Variants in ZNF227 observed in about 807,000 individuals in gnomAD.
ZNF227 encodes zinc finger protein 227.
ZNF227 carries 12 observed loss-of-function variants against 13.2 expected under a neutral mutation model. That is an observed-to-expected ratio of 0.91 (90% CI 0.58 to 1.47). The LOEUF is 1.47. Ranked by LOEUF, ZNF227 falls within the 40% of genes most tolerant of loss-of-function variation. The probability of loss-of-function intolerance (pLI) is 0.00; values close to 1 mark genes in which losing one functional copy is unlikely to be tolerated. For synonymous variants in ZNF227, 338 were observed against 326.0 expected, an observed-to-expected ratio of 1.04 and a Z score of -0.40; for missense variants, 885 against 967.5, an observed-to-expected ratio of 0.91 and a Z score of 1.13.
intron 3 of ZNF227, among the ~76,000 whole-genome samples, chr19:44,219,267 T>G (rs1305656888): frequency 6.6e-6 from 1 of 152,218 alleles, no homozygotes; most frequent in African/African-American, 2.4e-5. Flanking sequence ...TTCTCTAGTT[T>G]TGTCTCTTAG....
chr19:44,235,793 C>T lies in ZNF227; in HGVS notation c.1363C>T (p.Arg455Trp), dbSNP rs575630823. Residue 455 changes from arginine (R) to tryptophan (W), a missense_variant, in exon 6 of 6, where the codon CGG becomes TGG. Arg to Trp is a moderately radical substitution (Grantham distance 101, BLOSUM62 -3). Transcript: ENST00000313040. ...CCACAATTCACCATTAATATGCCAT[C>T]GGAGAGTCCACACAGGAGAGAAGCC... ...FSHNSPLICH[R>W]RVHTGEKPYK... The T allele has an allele frequency of 8.1e-6, 13 of 1,613,514 alleles. No individual in the cohort carries two copies. Among genetic ancestry groups the T allele is most frequent in the South Asian group, 4.4e-5 (4 of 91,060 alleles).
At chr19:44,228,400 T>G in intron 3 of ZNF227, 46 bp from the exon 4 acceptor site, 2 of 1,583,604 alleles carry the variant, frequency 1.3e-6, no homozygotes, top group South Asian at 2.3e-5. Flanking sequence ...CTTCTTCTAG[T>G]GAAGGTTGGT....
intron 3 of ZNF227, among the ~76,000 whole-genome samples, chr19:44,219,853 A>C (rs1972274842): frequency 6.6e-6 from 1 of 151,804 alleles, no homozygotes; most frequent in Non-Finnish European, 1.5e-5. Context: ...ATATGTATAC[A>C]TGTGCCATGT....
At chr19:44,224,461 G>C (rs1304858621) in intron 3 of ZNF227, among the ~76,000 whole-genome samples, 2 of 152,140 alleles carry the variant, frequency 1.3e-5, no homozygotes, top group Middle Eastern at 3.2e-3. Context: ...TCCTGTATTA[G>C]GTGCATATAT....
rs555738498 is a variant in ZNF227 at position 44,234,863 on chromosome 19, C to G, written c.433C>G (p.Gln145Glu). 4.3e-6 allele frequency: 7 copies of G among 1,613,810 alleles called. No individual in the cohort carries two copies. The South Asian group carries it at 5.5e-5, about 13-fold the overall frequency. The change falls in exon 6 of 6, where the codon CAG (glutamine) becomes GAG (glutamate). Residue 145 changes from glutamine to glutamate, a missense_variant. Physicochemically the swap from Gln to Glu is conservative, Grantham distance 29 (BLOSUM62 2). Coordinates refer to ENST00000313040, the MANE Select transcript of ZNF227 (RefSeq NM_182490.3). ...CCAGTTATTACAAGGTGACTCTATT[C>G]AGGTTTCTGAAAATGAGAACAATAT... is the stretch of plus-strand genomic sequence containing the variant. Reference protein sequence around the residue: ...SSQLLQGDSIQVSENENNIMN... With the variant: ...SSQLLQGDSIEVSENENNIMN...
At chr19:44,214,788 CTTTT>C (rs59397656) in intron 2 of ZNF227, among the ~76,000 whole-genome samples, 1 of 143,604 alleles carries the variant, frequency 7.0e-6, no homozygotes, top group African/African-American at 2.5e-5. Context: ...TTCCACCCCA[CTTTT>C]TTTTTTTTTT....
rs1321799673 is a variant in ZNF227 at position 44,213,305 on chromosome 19, C to A, written c.-3+61C>A. ...TCTGTCCTTTCAGTTAATCAAGTTT[C>A]CGTCACTCAGTAAGTTACTACTGAA... On this transcript the variant is annotated intron_variant, in intron 2 of 5. Transcript: ENST00000313040. 1.3e-5 allele frequency: 2 copies of A among 152,150 alleles called. 1 individual carries two copies. The allele number at this position is 152,150 out of a possible 1,614,324, so 9.4% of individuals were successfully genotyped here.
At chr19:44,222,195 A>G (rs1233464) in intron 3 of ZNF227, among the ~76,000 whole-genome samples, 138,338 of 151,318 alleles carry the variant, frequency 0.91, 63,472 homozygotes, top group East Asian at 1. Context: ...GTCAGGTAGC[A>G]TGATGCCTCC....
Position 44,218,724 on chromosome 19 carries a change from G to C in ZNF227, c.60+872G>C, listed in dbSNP as rs550149324. ...TTAAATATGAAGAAACAGGTTATGG[G>C]AACATTTTATAACTGCCCCAAATTT... On this transcript the variant is annotated intron_variant, in intron 3 of 5. Coordinates refer to ENST00000313040, the MANE Select transcript of ZNF227 (RefSeq NM_182490.3). 4.6e-5 allele frequency among the ~76,000 whole-genome samples: 7 copies of C among 152,308 alleles called. No homozygotes were observed. The South Asian group carries it at 1.0e-3, about 23-fold the overall frequency.
chr19:44,208,205 C>T (rs1218618162), upstream of ZNF227, among the ~76,000 whole-genome samples: 1 of 152,136 alleles, frequency 6.6e-6, no homozygotes, highest in Non-Finnish European at 1.5e-5. Flanking sequence ...CTACTTTTGA[C>T]CACTATGTAC....
intron 2 of ZNF227, among the ~76,000 whole-genome samples, chr19:44,216,959 T>G (rs1362401160): frequency 3.2e-5 from 1 of 31,082 alleles, no homozygotes; most frequent in Admixed American, 4.7e-4. Flanking sequence ...CATCTGCTTG[T>G]TTTTTTTTTT....
In ZNF227 at chr19:44,230,908, C is replaced by CAAAAAAAA. The variant is rs561975781; in HGVS notation, c.271+1104_271+1111dup. On this transcript the variant is annotated intron_variant, in intron 5 of 5. Transcript: ENST00000313040. Reference sequence around the variant, plus strand: ...GCAACATAGTGAGACTCCATCTCTACAAAAAAAAAAAAAAAAAAATATATA... The same window carrying CAAAAAAAA: ...GCAACATAGTGAGACTCCATCTCTACAAAAAAAAAAAAAAAAAAAAAAAAAAATATATA... 2.1e-4 allele frequency among the ~76,000 whole-genome samples: 12 copies of CAAAAAAAA among 57,110 alleles called. 1 individual carries two copies. Among genetic ancestry groups the CAAAAAAAA allele is most frequent in the African/African-American group, 1.5e-3 (10 of 6,468 alleles). 37.5% of individuals were successfully genotyped at this position (57,110 alleles called of 152,430 possible).
upstream of ZNF227, among the ~76,000 whole-genome samples, chr19:44,212,281 C>A (rs1312063357): frequency 2.6e-5 from 4 of 151,760 alleles, no homozygotes; most frequent in Non-Finnish European, 5.9e-5. Context: ...AGCAATAAGC[C>A]GTGAAGAGGA....
At position 44,234,709 on chromosome 19, in the gene ZNF227, G is replaced by C. The variant is rs1202333540; in HGVS notation, c.279G>C (p.Lys93Asn). The change falls in exon 6 of 6, where the codon AAG (lysine) becomes AAC (asparagine). Residue 93 changes from lysine to asparagine, a missense_variant. Coordinates refer to ENST00000313040, the MANE Select transcript of ZNF227 (RefSeq NM_182490.3). ...MMETETQRSS[K>N]HQNKMETLQK... ...TTTTTTCTTTTTTAATAGGCAGCAA[G>C]CATCAAAATAAGATGGAAACACTCC... is the stretch of plus-strand genomic sequence containing the variant. 6.3e-7 allele frequency: 1 copy of C among 1,580,278 alleles called. No homozygotes were observed. Among genetic ancestry groups the C allele is most frequent in the South Asian group, 1.2e-5 (1 of 84,996 alleles).
chr19:44,223,333 G>T (rs1421045502), intron 3 of ZNF227, among the ~76,000 whole-genome samples: 1 of 152,204 alleles, frequency 6.6e-6, no homozygotes, highest in Non-Finnish European at 1.5e-5. Context: ...AGTTTCAGAA[G>T]GAATGGTACC....
chr19:44,211,476 C>G (rs1316863884), upstream of ZNF227, among the ~76,000 whole-genome samples: 1 of 152,186 alleles, frequency 6.6e-6, no homozygotes, highest in Admixed American at 6.5e-5. Flanking sequence ...TTCCATTATA[C>G]ATTTAAGCAA....
At chr19:44,230,926 A>AAAAAAAAAAAAATATATATATAT (rs1555792168) in intron 5 of ZNF227, among the ~76,000 whole-genome samples, 2 of 68,118 alleles carry the variant, frequency 2.9e-5, no homozygotes, top group African/African-American at 2.0e-4. Context: ...AAAAAAAAAA[A>AAAAAAAAAAAAATATATATATAT]ATATATATAT....
At chr19:44,219,233 A>G (rs1028187813) in intron 3 of ZNF227, among the ~76,000 whole-genome samples, 4 of 151,660 alleles carry the variant, frequency 2.6e-5, no homozygotes, top group Non-Finnish European at 5.9e-5. Flanking sequence ...CCCCTCATCC[A>G]GTTTCCATCT....
chr19:44,224,601 TTTG>T (rs1177055437), intron 3 of ZNF227, among the ~76,000 whole-genome samples: 1 of 152,210 alleles, frequency 6.6e-6, no homozygotes, highest in Non-Finnish European at 1.5e-5. Flanking sequence ...CTGCCTTTTT[TTTG>T]TTTTCCATTT....
Sources: gnomAD v4.1 joint callset for allele counts (sites outside exome capture counted in the v4.1 genomes callset) on GRCh38, gnomAD v4.1.1 for gene constraint, MANE v1.5 for transcripts, NCBI Gene and HGNC (gene_info 2026-07-23, HGNC 2026-07-21) for gene names.